The following BABAM2 variants were observed in gnomAD, a reference collection of about 807,000 sequenced individuals.
BABAM2 encodes the protein BRISC and BRCA1-A complex member 2.
In BABAM2, 31 loss-of-function variants were observed where a neutral mutation model predicts 54.7. The observed-to-expected ratio is 0.57, with a 90% CI of 0.43 to 0.77. The LOEUF (loss-of-function observed/expected upper bound fraction) is 0.77, where lower values mean the gene tolerates loss of function less well. BABAM2 is among the 30% of genes least tolerant of loss of function. BABAM2 has a pLI of 0.00. For missense variants in BABAM2, 364 were observed against 455.8 expected, an observed-to-expected ratio of 0.80 and a Z score of 1.83; for synonymous variants, 167 against 162.9, an observed-to-expected ratio of 1.03 and a Z score of -0.19.
At chr2:28,001,126 C>G (rs1286844707) in intron 4 of BABAM2, among the ~76,000 whole-genome samples, 1 of 152,152 alleles carries the variant, frequency 6.6e-6, no homozygotes. Flanking sequence ...ATGTGCATAT[C>G]TATAAATATT....
At chr2:27,950,216 A>G (rs1558612353) in intron 3 of BABAM2, among the ~76,000 whole-genome samples, 2 of 152,228 alleles carry the variant, frequency 1.3e-5, no homozygotes, top group African/African-American at 2.4e-5. Flanking sequence ...GAAAGCAATA[A>G]CTAACTCTAA....
intron 11 of BABAM2, among the ~76,000 whole-genome samples, chr2:28,302,880 G>A (rs1448921435): frequency 6.6e-6 from 1 of 152,124 alleles, no homozygotes; most frequent in Non-Finnish European, 1.5e-5. Flanking sequence ...TTCATGAAAT[G>A]TCTGTTCAAA....
intron 10 of BABAM2, among the ~76,000 whole-genome samples, chr2:28,279,102 G>C (rs1416546861): frequency 6.6e-6 from 1 of 152,218 alleles, no homozygotes; most frequent in Non-Finnish European, 1.5e-5. Context: ...AGCATGATGA[G>C]AAGGAGCCGG....
intron 7 of BABAM2, among the ~76,000 whole-genome samples, chr2:28,148,974 G>A (rs994197148): frequency 2.0e-4 from 31 of 152,150 alleles, no homozygotes; most frequent in African/African-American, 7.5e-4. Flanking sequence ...CAAACTGGGT[G>A]TGGGGCTTGT....
intron 3 of BABAM2, among the ~76,000 whole-genome samples, chr2:27,937,216 G>A (rs542914911): frequency 3.1e-4 from 47 of 152,246 alleles, no homozygotes; most frequent in East Asian, 1.5e-3. Context: ...TAAATTCTAC[G>A]TAGATAGCTG....
At chr2:28,026,822 T>TTATA (rs1221328543) in intron 5 of BABAM2, among the ~76,000 whole-genome samples, 3,190 of 77,092 alleles carry the variant, frequency 0.041, 224 homozygotes, top group African/African-American at 0.11. Flanking sequence ...AAATATATAT[T>TTATA]TATATATATA....
chr2:27,916,200 A>T (rs1008552462), intron 2 of BABAM2, among the ~76,000 whole-genome samples: 1 of 152,210 alleles, frequency 6.6e-6, no homozygotes, highest in African/African-American at 2.4e-5. Flanking sequence ...GTATGCAAAT[A>T]ATATAAAATA....
intron 10 of BABAM2, among the ~76,000 whole-genome samples, chr2:28,266,367 GC>G (rs1684989382): frequency 6.6e-6 from 1 of 152,150 alleles, no homozygotes; most frequent in South Asian, 2.1e-4. Flanking sequence ...ATATTTTATT[GC>G]CATGGATGTG....
At chr2:28,225,958 A>G (rs1005234938) in intron 7 of BABAM2, among the ~76,000 whole-genome samples, 1 of 152,158 alleles carries the variant, frequency 6.6e-6, no homozygotes, top group Non-Finnish European at 1.5e-5. Flanking sequence ...AAATATTTCT[A>G]TAATCCTAGA....
At chr2:28,059,760 C>G (rs1305870036) in intron 6 of BABAM2, among the ~76,000 whole-genome samples, 3 of 152,114 alleles carry the variant, frequency 2.0e-5, no homozygotes, top group Admixed American at 6.5e-5. Context: ...ATAGCCAAGG[C>G]CATATTTGCT....
At chr2:28,109,987 C>T (rs987537357) in intron 6 of BABAM2, among the ~76,000 whole-genome samples, 3 of 152,086 alleles carry the variant, frequency 2.0e-5, no homozygotes, top group African/African-American at 7.2e-5. Flanking sequence ...CTGTAACTTT[C>T]TCACTTTCTC....
intron 2 of BABAM2, among the ~76,000 whole-genome samples, chr2:27,917,418 C>A (rs1185960143): frequency 6.6e-6 from 1 of 152,118 alleles, no homozygotes; most frequent in Non-Finnish European, 1.5e-5. Context: ...GTTTATTGCT[C>A]ACAGTTCTGA....
chr2:28,301,949 C>G (rs527344577), intron 11 of BABAM2, among the ~76,000 whole-genome samples: 1 of 152,194 alleles, frequency 6.6e-6, no homozygotes, highest in South Asian at 2.1e-4. Flanking sequence ...ACGAAGTTAC[C>G]TTATAGCCTC....
At chr2:27,897,215 C>A (rs529403613) in intron 2 of BABAM2, 1 of 152,368 alleles carries the variant, frequency 6.6e-6, no homozygotes, top group South Asian at 2.1e-4. Flanking sequence ...ATTCTTGATT[C>A]TCTTTCTGCT....
intron 6 of BABAM2, among the ~76,000 whole-genome samples, chr2:28,110,497 G>T (rs1181547800): frequency 2.0e-5 from 3 of 152,014 alleles, no homozygotes; most frequent in South Asian, 4.2e-4. Flanking sequence ...GGTGGCAGGT[G>T]CCTGTAATCC....
intron 10 of BABAM2, among the ~76,000 whole-genome samples, chr2:28,280,695 C>T (rs1686279470): frequency 6.6e-6 from 1 of 152,198 alleles, no homozygotes; most frequent in Non-Finnish European, 1.5e-5. Context: ...TTGCAGATTT[C>T]TCTTCTATGA....
chr2:28,063,318 T>G (rs922553675), intron 6 of BABAM2, among the ~76,000 whole-genome samples: 9 of 152,332 alleles, frequency 5.9e-5, no homozygotes, highest in African/African-American at 2.2e-4. Context: ...ACTTAACATT[T>G]TCTAGTAACC....
intron 11 of BABAM2, among the ~76,000 whole-genome samples, chr2:28,320,363 G>A (rs1406653994): frequency 6.6e-6 from 1 of 152,226 alleles, no homozygotes; most frequent in Admixed American, 6.5e-5. Flanking sequence ...TGCGCCCATC[G>A]CTTCTTCTCT....
At chr2:28,062,091 C>T (rs1421935646) in intron 6 of BABAM2, among the ~76,000 whole-genome samples, 1 of 152,010 alleles carries the variant, frequency 6.6e-6, no homozygotes, top group Non-Finnish European at 1.5e-5. Flanking sequence ...AACCCTTTCT[C>T]TACTAAAAAT....
Sources: gnomAD v4.1 joint callset for allele counts (sites outside exome capture counted in the v4.1 genomes callset) on GRCh38, gnomAD v4.1.1 for gene constraint, MANE v1.5 for transcripts, NCBI Gene and HGNC (gene_info 2026-07-23, HGNC 2026-07-21) for gene names.